The following MAP7 variants were observed in gnomAD, a reference collection of about 807,000 sequenced individuals.
MAP7 encodes microtubule associated protein 7, also known as ensconsin.
A neutral mutation model predicts 94.8 loss-of-function variants in MAP7; 52 were observed. The ratio of observed to expected loss-of-function variants is 0.55; its 90% CI spans 0.44 to 0.69. The LOEUF (loss-of-function observed/expected upper bound fraction) is 0.69. Among genes scored for constraint, MAP7 ranks in the 30% least tolerant of loss-of-function variants. The probability of loss-of-function intolerance (pLI) is 0.00; values close to 1 mark genes in which losing one functional copy is unlikely to be tolerated. For missense variants in MAP7, 940 were observed against 964.6 expected (o/e 0.97, Z 0.34); for synonymous variants, 350 against 357.0 (o/e 0.98, Z 0.22).
chr6:136,381,895 C>CACACACACAG (rs2128634617), intron 6 of MAP7, among the ~76,000 whole-genome samples: 1 of 135,760 alleles, frequency 7.4e-6, no homozygotes, highest in African/African-American at 2.7e-5. Context: ...CACACACACA[C>CACACACACAG]ACACACACAC....
intron 1 of MAP7, among the ~76,000 whole-genome samples, chr6:136,482,998 A>G (rs1332613170): frequency 1.3e-5 from 2 of 151,950 alleles, no homozygotes; most frequent in Non-Finnish European, 2.9e-5. Flanking sequence ...CCACGTCCCT[A>G]TTGATTGAAT....
At chr6:136,520,185 G>GC (rs1825968393) in intron 1 of MAP7, among the ~76,000 whole-genome samples, 1 of 141,078 alleles carries the variant, frequency 7.1e-6, no homozygotes, top group Non-Finnish European at 1.5e-5. Context: ...GGAAAACAGA[G>GC]CAAGAGTTTG....
At chr6:136,546,932 G>A (rs945142002) in intron 1 of MAP7, among the ~76,000 whole-genome samples, 5 of 152,148 alleles carry the variant, frequency 3.3e-5, no homozygotes, top group Non-Finnish European at 7.3e-5. Flanking sequence ...ATGCTCCTGA[G>A]CACAATTGCC....
Position 136,366,522 on chromosome 6 carries a change from C to T in MAP7, c.877-83G>A, listed in dbSNP as rs1794371798. ...CAATACTCAACAGTGGAGCTAGAAA[C>T]CATTGAATGACTTTTAAGAAATTTT... On this transcript the variant is annotated intron_variant, in intron 8 of 17. Transcript: ENST00000354570. The T allele has an allele frequency of 4.2e-6, 4 of 950,210 alleles. No homozygotes were observed. The Admixed American group carries it at 7.6e-5, about 18-fold the overall frequency. The allele number at this position is 950,210 out of a possible 1,614,324, so 58.9% of individuals were successfully genotyped here. A position where few individuals can be genotyped will look rare whatever the true frequency, so the allele number is the denominator to read the frequency against.
chr6:136,512,217 G>A (rs1278301330), intron 1 of MAP7, among the ~76,000 whole-genome samples: 2 of 152,238 alleles, frequency 1.3e-5, no homozygotes, highest in African/African-American at 4.8e-5. Flanking sequence ...GGGCCAGAGT[G>A]TGTTGCCTCC....
At chr6:136,395,589 C>T (rs1439650489) in intron 3 of MAP7, among the ~76,000 whole-genome samples, 1 of 151,776 alleles carries the variant, frequency 6.6e-6, no homozygotes, top group African/African-American at 2.4e-5. Flanking sequence ...TTTTTGCTTT[C>T]GTTGTCTTTG....
chr6:136,356,294 G>A (rs1790905475), intron 16 of MAP7, among the ~76,000 whole-genome samples: 1 of 152,056 alleles, frequency 6.6e-6, no homozygotes, highest in Non-Finnish European at 1.5e-5. Flanking sequence ...AGCCTCCCAA[G>A]GTGGGACTAC....
chr6:136,505,526 T>C (rs972406200), intron 1 of MAP7, among the ~76,000 whole-genome samples: 3 of 151,680 alleles, frequency 2.0e-5, no homozygotes, highest in Admixed American at 6.6e-5. Flanking sequence ...ATATTTGCTA[T>C]AGCTAGACAA....
chr6:136,350,048 T>A (rs188385916), intron 16 of MAP7, among the ~76,000 whole-genome samples: 1 of 152,188 alleles, frequency 6.6e-6, no homozygotes, highest in African/African-American at 2.4e-5. Context: ...CTAAAGACAT[T>A]AGGAAAAGTG....
At chr6:136,383,075 C>T (rs1778240803) in intron 6 of MAP7, among the ~76,000 whole-genome samples, 1 of 152,054 alleles carries the variant, frequency 6.6e-6, no homozygotes, top group African/African-American at 2.4e-5. Flanking sequence ...TAATAAAGGA[C>T]TATGAATATT....
At chr6:136,501,131 G>A in intron 1 of MAP7, among the ~76,000 whole-genome samples, 1 of 152,176 alleles carries the variant, frequency 6.6e-6, no homozygotes, top group Non-Finnish European at 1.5e-5. Flanking sequence ...CTAAAAACCT[G>A]AAATGTTTCC....
At chr6:136,479,027 GA>G (rs1811915064) in intron 1 of MAP7, among the ~76,000 whole-genome samples, 1 of 135,564 alleles carries the variant, frequency 7.4e-6, no homozygotes, top group African/African-American at 2.7e-5. Flanking sequence ...AGGAAATGAA[GA>G]AAGAAAGAAA....
At chr6:136,443,401 T>C (rs982916584) in intron 1 of MAP7, among the ~76,000 whole-genome samples, 2 of 150,600 alleles carry the variant, frequency 1.3e-5, no homozygotes, top group African/African-American at 2.5e-5. Flanking sequence ...TTCCAGATTC[T>C]TTCTTAAAAC....
intron 1 of MAP7, among the ~76,000 whole-genome samples, chr6:136,477,306 C>T (rs1811240027): frequency 6.6e-6 from 1 of 152,088 alleles, no homozygotes; most frequent in Admixed American, 6.5e-5. Flanking sequence ...GAGAGACATC[C>T]TACAAAACAA....
intron 1 of MAP7, among the ~76,000 whole-genome samples, chr6:136,519,592 A>G (rs564107990): frequency 6.6e-6 from 1 of 152,352 alleles, no homozygotes; most frequent in African/African-American, 2.4e-5. Flanking sequence ...ACACTAGATT[A>G]TATTTCGTTT....
chr6:136,493,946 G>A (rs1262090660), intron 1 of MAP7, among the ~76,000 whole-genome samples: 1 of 152,108 alleles, frequency 6.6e-6, no homozygotes, highest in Non-Finnish European at 1.5e-5. Flanking sequence ...TGTAAAATGG[G>A]GAAGGCACAA....
chr6:136,427,411 T>C (rs1793491743), intron 1 of MAP7, among the ~76,000 whole-genome samples: 1 of 152,250 alleles, frequency 6.6e-6, no homozygotes, highest in Non-Finnish European at 1.5e-5. Flanking sequence ...GGGAAGCAGC[T>C]GCTTCATGGG....
Position 136,343,729 on chromosome 6 carries a change from T to A in MAP7, c.*499A>T, listed in dbSNP as rs952376085. 4 of 152,224 alleles carry A rather than the reference T, an allele frequency of 2.6e-5. No homozygotes were observed. Among genetic ancestry groups the A allele is most frequent in the African/African-American group, 9.6e-5 (4 of 41,468 alleles). The allele number at this position is 152,224 out of a possible 1,614,324, so 9.4% of individuals were successfully genotyped here. A position where few individuals can be genotyped will look rare whatever the true frequency, so the allele number is the denominator to read the frequency against. ...AGAACCTGGTAATCTGCCTATAATT[T>A]GCTTCTACAAATAGAGCTCTTTGCA... On this transcript the variant is annotated 3_prime_UTR_variant, in exon 18 of 18. Transcript: ENST00000354570.
At chr6:136,368,804 A>G (rs1377270440) in intron 8 of MAP7, among the ~76,000 whole-genome samples, 1 of 152,242 alleles carries the variant, frequency 6.6e-6, no homozygotes, top group East Asian at 1.9e-4. Context: ...AGAAGATTTA[A>G]TACTGTTAGG....
Sources: gnomAD v4.1 joint callset for allele counts (sites outside exome capture counted in the v4.1 genomes callset) on GRCh38, gnomAD v4.1.1 for gene constraint, MANE v1.5 for transcripts, NCBI Gene and HGNC (gene_info 2026-07-23, HGNC 2026-07-21) for gene names.